OR56A3: variants seen among roughly 807,000 people sequenced by gnomAD.
The protein encoded by OR56A3 is olfactory receptor 56A3.
OR56A3 carries 23 observed loss-of-function variants against 17.5 expected under a neutral mutation model. That is an observed-to-expected ratio of 1.32 (90% CI 0.95 to 1.87). OR56A3 has a LOEUF of 1.87. OR56A3 is among the 40% of genes most tolerant of loss of function. The pLI, the probability that OR56A3 is intolerant of heterozygous loss-of-function variation, is 0.00. For synonymous variants in OR56A3, 175 were observed against 150.6 expected, an observed-to-expected ratio of 1.16 and a Z score of -1.19; for missense variants, 366 against 380.1, an observed-to-expected ratio of 0.96 and a Z score of 0.31.
At position 5,947,831 on chromosome 11, in the gene OR56A3, C is replaced by T; in HGVS notation, c.485C>T (p.Pro162Leu). 1 of 1,614,136 alleles carries T rather than the reference C, an allele frequency of 6.2e-7. No homozygotes were observed. Among genetic ancestry groups the T allele is most frequent in the Non-Finnish European group, 8.5e-7 (1 of 1,180,004 alleles). ...ILTRNVLMTLPIPILSAQLRY... is the reference protein window; with the variant it reads ...ILTRNVLMTLLIPILSAQLRY... ...ACCAGAAATGTGCTTATGACTCTGC[C>T]CATCCCCATCCTTTCAGCACAACTC... The change falls in exon 3 of 3, where the codon CCC (proline) becomes CTC (leucine). Residue 162 changes from proline (P) to leucine (L), a missense_variant. Pro to Leu is a moderately conservative substitution (Grantham distance 98). Coordinates refer to ENST00000641160, the MANE Select transcript of OR56A3 (RefSeq NM_001003443.3).
At position 5,947,969 on chromosome 11, in the gene OR56A3, G is replaced by A. The variant is rs774912300; in HGVS notation, c.623G>A (p.Trp208Ter). Residue 208 changes from tryptophan (W) to a stop codon, truncating the protein, a stop_gained, in exon 3 of 3, where the codon TGG (tryptophan) becomes TAG (stop). Transcript: ENST00000641160. LOFTEE classifies it high-confidence loss of function. ...INHLYQFAGG[W>*]TLLGSDLILI... The stretch of plus-strand genomic sequence containing the variant: ...CACCTTTACCAATTTGCTGGAGGCT[G>A]GACTCTGCTAGGATCTGACCTCATC... 1 of 1,614,160 alleles carries A rather than the reference G, an allele frequency of 6.2e-7. No individual in the cohort carries two copies. The highest frequency in any genetic ancestry group is 8.5e-7 in the Non-Finnish European group (1 of 1,180,028).
At chr11:6,000,314 G>A in the OR56A3 span, 3 of 152,288 alleles carry the variant, frequency 2.0e-5, no homozygotes, top group African/African-American at 7.2e-5. Context: ...TCCTTGGTAG[G>A]GACATGGATG....
chr11:5,947,258 G>A, intron 2 of OR56A3, 53 bp from the exon 3 acceptor site: 2 of 1,206,678 alleles, frequency 1.7e-6, no homozygotes, highest in Non-Finnish European at 2.3e-6. Context: ...AACAAATTGT[G>A]CTATCTTTGT....
chr11:5,947,837 C>G lies in OR56A3; in HGVS notation c.491C>G (p.Pro164Arg), dbSNP rs1847881817. The change falls in exon 3 of 3, where the codon CCC (proline) becomes CGC (arginine). Residue 164 changes from proline (P) to arginine (R), a missense_variant. By Grantham distance (103) the Pro-to-Arg change is moderately radical. Transcript: ENST00000641160. The stretch of plus-strand genomic sequence containing the variant: ...AATGTGCTTATGACTCTGCCCATCC[C>G]CATCCTTTCAGCACAACTCCGTTAT... ...TRNVLMTLPI[P>R]ILSAQLRYCG... The G allele has an allele frequency of 1.2e-6, 2 of 1,614,204 alleles. No homozygotes were observed. The highest frequency in any genetic ancestry group is 8.5e-7 in the Non-Finnish European group (1 of 1,180,042).
At chr11:5,958,002 T>C in the OR56A3 span, among the ~76,000 whole-genome samples, 1 of 152,088 alleles carries the variant, frequency 6.6e-6, no homozygotes, top group African/African-American at 2.4e-5. Flanking sequence ...CAAGAGAAAT[T>C]GTAAATAATT....
the OR56A3 span, among the ~76,000 whole-genome samples, chr11:5,963,680 G>C: frequency 6.6e-6 from 1 of 151,988 alleles, no homozygotes; most frequent in Non-Finnish European, 1.5e-5. Context: ...AGTAGTCTTA[G>C]GTGTATTGAA....
chr11:5,960,591 C>T, the OR56A3 span, among the ~76,000 whole-genome samples: 51 of 152,174 alleles, frequency 3.4e-4, no homozygotes, highest in Admixed American at 3.1e-3. Flanking sequence ...AGTGCAGTGG[C>T]GTGATCTCGG....
At chr11:5,968,007 G>A in the OR56A3 span, 1 of 1,592,212 alleles carries the variant, frequency 6.3e-7, no homozygotes, top group Non-Finnish European at 8.6e-7. Context: ...AGAAAGTATG[G>A]GGATAGGCAT....
the OR56A3 span, among the ~76,000 whole-genome samples, chr11:5,963,009 G>A: frequency 2.0e-5 from 3 of 152,230 alleles, no homozygotes; most frequent in South Asian, 2.1e-4. Context: ...CATTTCTCAT[G>A]ATACTTTGTA....
chr11:5,972,993 C>A, the OR56A3 span, among the ~76,000 whole-genome samples: 1 of 152,182 alleles, frequency 6.6e-6, no homozygotes, highest in Non-Finnish European at 1.5e-5. Context: ...TCTACATTAA[C>A]ATCATAAGAT....
chr11:6,020,760 A>G, the OR56A3 span: 60,130 of 151,904 alleles, frequency 0.4, 12,527 homozygotes, highest in African/African-American at 0.51. Flanking sequence ...AAACAGAGAC[A>G]GTTTGACTTC....
rs1041088015 is a variant in OR56A3 at position 5,950,505 on chromosome 11, T to C, written c.*2211T>C. 6.6e-6 allele frequency: 1 copy of C among 152,182 alleles called. No homozygotes were observed. Among genetic ancestry groups the C allele is most frequent in the Non-Finnish European group, 1.5e-5 (1 of 67,992 alleles). The allele number at this position is 152,182 out of a possible 1,614,324, so 9.4% of individuals were successfully genotyped here. A position where few individuals can be genotyped will look rare whatever the true frequency, so the allele number is the denominator to read the frequency against. On this transcript the variant is annotated 3_prime_UTR_variant, in exon 3 of 3. Transcript: ENST00000641160. ...AAAAACAAGGTGAACAAGTTAACTATGGTTTTATCTCACCAAAATAGGTAA... is the reference window on the plus strand; with the variant it reads ...AAAAACAAGGTGAACAAGTTAACTACGGTTTTATCTCACCAAAATAGGTAA...
chr11:5,990,180 G>A, the OR56A3 span, among the ~76,000 whole-genome samples: 5 of 152,244 alleles, frequency 3.3e-5, no homozygotes, highest in South Asian at 2.1e-4. Flanking sequence ...AGGAGCATCC[G>A]GAATCTAGTG....
At chr11:5,977,397 A>G in the OR56A3 span, among the ~76,000 whole-genome samples, 1 of 152,114 alleles carries the variant, frequency 6.6e-6, no homozygotes, top group Non-Finnish European at 1.5e-5. Context: ...GCTTTTTATA[A>G]TAGCCATTTG....
chr11:5,947,713 G>T lies in OR56A3; in HGVS notation c.367G>T (p.Ala123Ser), dbSNP rs1190223623. Residue 123 changes from alanine (A) to serine (S), a missense_variant, in exon 3 of 3, where the codon GCC becomes TCC. Coordinates refer to ENST00000641160, the MANE Select transcript of OR56A3 (RefSeq NM_001003443.3). ...GGAGTCTTGCACATTCATGGTCATG[G>T]CCTATGATCGTTATGTAGCCATCTG... The part of the protein sequence containing the change: ...AMESCTFMVM[A>S]YDRYVAICHP... 1 of 1,613,962 alleles carries T rather than the reference G, an allele frequency of 6.2e-7. No homozygotes were observed. The highest frequency in any genetic ancestry group is 1.7e-5 in the Admixed American group (1 of 60,000).
At position 5,947,586 on chromosome 11, in the gene OR56A3, T is replaced by G; in HGVS notation, c.240T>G (p.Thr80=). The stretch of plus-strand genomic sequence containing the variant: ...TGCTGGACATCGTGCTCTGCCTCAC[T>G]GTCATCCCCAAGGTCCTGACCATCT... ...LSLLDIVLCL[T]VIPKVLTIFW... The change falls in exon 3 of 3, where the codon ACT becomes ACG. Residue 80 remains threonine, a synonymous_variant. Transcript: ENST00000641160. The G allele has an allele frequency of 6.2e-7, 1 of 1,614,228 alleles. No homozygotes were observed. Among genetic ancestry groups the G allele is most frequent in the South Asian group, 1.1e-5 (1 of 91,080 alleles).
At chr11:6,007,119 A>G in the OR56A3 span, among the ~76,000 whole-genome samples, 1 of 152,140 alleles carries the variant, frequency 6.6e-6, no homozygotes, top group East Asian at 1.9e-4. Flanking sequence ...CAGCATTGGG[A>G]GTAGAGTGAG....
In OR56A3 at chr11:5,947,542, C is replaced by T. The variant is rs150231315; in HGVS notation, c.196C>T (p.Leu66=). ...EASLHQPLYY[L]LSLLSLLDIV... ...CTCTCTGCACCAGCCCCTGTACTACCTGCTCAGCCTCCTCTCCCTGCTGGA... is the reference window on the plus strand; with the variant it reads ...CTCTCTGCACCAGCCCCTGTACTACTTGCTCAGCCTCCTCTCCCTGCTGGA... The change falls in exon 3 of 3, where the codon CTG becomes TTG. Residue 66 remains leucine (L), a synonymous_variant. Coordinates refer to ENST00000641160, the MANE Select transcript of OR56A3 (RefSeq NM_001003443.3). The T allele has an allele frequency of 3.7e-6, 6 of 1,614,178 alleles. No homozygotes were observed. In the African/African-American group the frequency reaches 8.0e-5, roughly 22 times the overall value.
the OR56A3 span, among the ~76,000 whole-genome samples, chr11:6,009,414 A>C: frequency 3.3e-5 from 5 of 152,204 alleles, no homozygotes; most frequent in African/African-American, 1.2e-4. Flanking sequence ...ATGTTTGATT[A>C]ATTCAAGCAG....
Sources: gnomAD v4.1 joint callset for allele counts (sites outside exome capture counted in the v4.1 genomes callset) on GRCh38, gnomAD v4.1.1 for gene constraint, MANE v1.5 for transcripts, NCBI Gene and HGNC (gene_info 2026-07-23, HGNC 2026-07-21) for gene names.